STAB2: variants seen among roughly 807,000 people sequenced by gnomAD.
The protein encoded by STAB2 is stabilin 2, also known as stabilin-2.
A neutral mutation model predicts 338.1 loss-of-function variants in STAB2; 288 were observed. The observed-to-expected ratio is 0.85, with a 90% CI of 0.77 to 0.94. The LOEUF (loss-of-function observed/expected upper bound fraction) is 0.94, where lower values mean the gene tolerates loss of function less well. STAB2 is among the 40% of genes least tolerant of loss of function. STAB2 has a pLI of 0.00. For missense variants in STAB2, 3,141 were observed against 3,210.1 expected (o/e 0.98, Z 0.52); for synonymous variants, 1,202 against 1,193.3 (o/e 1.01, Z -0.15).
In STAB2 at chr12:103,631,617, G is replaced by A. The variant is rs200595336; in HGVS notation, c.507G>A (p.Gly169=). Reference sequence around the variant, plus strand: ...CTCCAGTGTGCAACTGTGTGCATGGGGTGTGCAACAGTGGACTAGATGGCG... The same window carrying A: ...CTCCAGTGTGCAACTGTGTGCATGGAGTGTGCAACAGTGGACTAGATGGCG... ...SCSSVCNCVH[G]VCNSGLDGDG... is the part of the protein sequence containing the mutation. The change falls in exon 6 of 69, where the codon GGG becomes GGA. Residue 169 remains glycine (G), a synonymous_variant. Transcript: ENST00000388887. 1.3e-4 allele frequency: 206 copies of A among 1,613,976 alleles called. No individual in the cohort carries two copies. The highest frequency in any genetic ancestry group is 1.6e-4 in the Non-Finnish European group (193 of 1,180,026).
chr12:103,765,511 A>G (rs1884876747), intron 68 of STAB2, among the ~76,000 whole-genome samples: 1 of 152,220 alleles, frequency 6.6e-6, no homozygotes, highest in South Asian at 2.1e-4. Context: ...TAATTGACAA[A>G]GCCTGGGTGC....
At chr12:103,704,480 T>G (rs1236899082) in intron 35 of STAB2, 78 bp from the exon 36 acceptor site, 7 of 1,459,720 alleles carry the variant, frequency 4.8e-6, no homozygotes, top group Admixed American at 1.9e-5. Context: ...TTCAAAAACC[T>G]TCATTTCCAA....
In STAB2 at chr12:103,677,502, A is replaced by G. The variant is rs1021761082; in HGVS notation, c.2696A>G (p.Gln899Arg). 16 of 1,613,962 alleles carry G rather than the reference A, an allele frequency of 9.9e-6. No homozygotes were observed. Among genetic ancestry groups the G allele is most frequent in the African/African-American group, 1.3e-5 (1 of 74,942 alleles). The change falls in exon 25 of 69, where the codon CAG (glutamine) becomes CGG (arginine). Residue 899 changes from glutamine (Q) to arginine (R), a missense_variant. By Grantham distance (43) the Gln-to-Arg change is conservative. Coordinates refer to ENST00000388887, the MANE Select transcript of STAB2 (RefSeq NM_017564.10). ...GTGTHTCVCQQGWTGNGRDCS... is the reference protein window; with the variant it reads ...GTGTHTCVCQRGWTGNGRDCS... ...GGCACCCACACCTGCGTGTGTCAGCAGGGTTGGACAGGGAATGGGAGAGAC... is the reference window on the plus strand; with the variant it reads ...GGCACCCACACCTGCGTGTGTCAGCGGGGTTGGACAGGGAATGGGAGAGAC...
At chr12:103,696,550 C>T (rs561731421) in intron 33 of STAB2, among the ~76,000 whole-genome samples, 38 of 152,240 alleles carry the variant, frequency 2.5e-4, no homozygotes, top group African/African-American at 8.9e-4. Flanking sequence ...GAAACAGGAT[C>T]CACAAAAGAG....
At chr12:103,673,810 G>A (rs1471918829) in intron 22 of STAB2, 97 bp from the exon 23 acceptor site, 1 of 1,283,434 alleles carries the variant, frequency 7.8e-7, no homozygotes, top group Non-Finnish European at 1.1e-6. Flanking sequence ...GTGAGTGGGG[G>A]GTGAGAAGAG....
intron 10 of STAB2, among the ~76,000 whole-genome samples, chr12:103,649,222 A>G (rs1002552790): frequency 2.0e-5 from 3 of 152,094 alleles, no homozygotes; most frequent in Middle Eastern, 3.2e-3. Context: ...GGTGACTGAG[A>G]CCCCAGGGCA....
chr12:103,732,858 A>T, intron 50 of STAB2, 148 bp from the exon 51 acceptor site: 1 of 835,044 alleles, frequency 1.2e-6, no homozygotes, highest in Non-Finnish European at 1.8e-6. Flanking sequence ...ATGGGCTTCT[A>T]GTTTCTCTAG....
At chr12:103,669,920 G>A (rs1370279590) in intron 21 of STAB2, among the ~76,000 whole-genome samples, 1 of 152,126 alleles carries the variant, frequency 6.6e-6, no homozygotes, top group Non-Finnish European at 1.5e-5. Flanking sequence ...GAGATATCAG[G>A]GTTGACCTGC....
chr12:103,684,230 T>A (rs533902958), intron 26 of STAB2, among the ~76,000 whole-genome samples: 6 of 152,294 alleles, frequency 3.9e-5, no homozygotes, highest in African/African-American at 1.2e-4. Flanking sequence ...TAGCACCCCA[T>A]GTCCCCGTTC....
chr12:103,740,587 C>A, intron 54 of STAB2, 43 bp from the exon 55 acceptor site: 1 of 1,597,918 alleles, frequency 6.3e-7, no homozygotes, highest in South Asian at 1.1e-5. Flanking sequence ...AGCCCTAGTC[C>A]CTGCAGTGGT....
rs965552523 is a variant in STAB2 at position 103,759,419 on chromosome 12, C to T, written c.7248+146C>T. On this transcript the variant is annotated intron_variant, in intron 65 of 68. Coordinates refer to ENST00000388887, the MANE Select transcript of STAB2 (RefSeq NM_017564.10). Reference sequence around the variant, plus strand: ...AGGGGACGGTGTTAACTGCCCACTACAGCATACCACACTGACAATTGGGCA... The same window carrying T: ...AGGGGACGGTGTTAACTGCCCACTATAGCATACCACACTGACAATTGGGCA... 1.6e-5 allele frequency: 19 copies of T among 1,209,450 alleles called. No homozygotes were observed. The African/African-American group carries it at 2.8e-4, about 18-fold the overall frequency. 74.9% of individuals were successfully genotyped at this position (1,209,450 alleles called of 1,614,324 possible).
At chr12:103,761,497 C>T (rs1055231941) in intron 66 of STAB2, 87 bp downstream of exon 66, 9 of 1,195,950 alleles carry the variant, frequency 7.5e-6, no homozygotes, top group Non-Finnish European at 9.8e-6. Context: ...AAGCCCTGTC[C>T]TCCTCCCTCT....
rs947151289 is a variant in STAB2 at position 103,683,276 on chromosome 12, A to G, written c.2877A>G (p.Glu959=). 1 of 1,611,978 alleles carries G rather than the reference A, an allele frequency of 6.2e-7. No homozygotes were observed. Among genetic ancestry groups the G allele is most frequent in the Admixed American group, 1.7e-5 (1 of 59,816 alleles). ...IDCEPITSCL[E]QTGKCHPLAS... ...GTGAACCAATAACTTCATGCTTGGA[A>G]CAAACCGGGAAATGTCATCCATTGG... Residue 959 remains glutamate, a synonymous_variant, in exon 26 of 69, where the codon GAA becomes GAG. Transcript: ENST00000388887.
chr12:103,593,166 T>G (rs1328376853), intron 2 of STAB2, among the ~76,000 whole-genome samples: 7 of 152,196 alleles, frequency 4.6e-5, no homozygotes, highest in Non-Finnish European at 7.3e-5. Flanking sequence ...AATTTCAATT[T>G]TTTTGGATAT....
chr12:103,743,633 CACATGTGGCTATCGAGCACCCAAA>C (rs1373382207), intron 56 of STAB2, among the ~76,000 whole-genome samples: 1 of 152,152 alleles, frequency 6.6e-6, no homozygotes, highest in Non-Finnish European at 1.5e-5. Context: ...AGCCACTAGG[CACATGTGGCTATCGAGCACCCAAA>C]ACGTGTGGCT....
chr12:103,664,191 T>C (rs1193891942), intron 18 of STAB2, among the ~76,000 whole-genome samples: 1 of 152,178 alleles, frequency 6.6e-6, no homozygotes, highest in Non-Finnish European at 1.5e-5. Flanking sequence ...TTGCCCAGGC[T>C]GGAGTGCAGT....
At chr12:103,618,559 C>T (rs1957247092) in intron 3 of STAB2, among the ~76,000 whole-genome samples, 1 of 152,088 alleles carries the variant, frequency 6.6e-6, no homozygotes, top group Non-Finnish European at 1.5e-5. Flanking sequence ...TGAGCTGTGG[C>T]ACAGGAAAGC....
rs542326052 is a variant in STAB2, at chr12:103,611,545, A to G, written c.332-8923A>G. On this transcript the variant is annotated intron_variant, in intron 3 of 68. Coordinates refer to ENST00000388887, the MANE Select transcript of STAB2 (RefSeq NM_017564.10). ...TTTTTGTTTTCCATTTGCTTGGTAG[A>G]TCTTCCTCCATCCCTTTATTTTGAG... Among the ~76,000 whole-genome samples the G allele has an allele frequency of 3.1e-3, 479 of 152,128 alleles. 4 individuals carry two copies. Among genetic ancestry groups the G allele is most frequent in the Non-Finnish European group, 5.7e-3 (390 of 67,998 alleles).
In STAB2 at chr12:103,677,032, C is replaced by T. The variant is rs1302660386; in HGVS notation, c.2647-421C>T. Among the ~76,000 whole-genome samples the T allele has an allele frequency of 2.6e-5, 4 of 152,210 alleles. No homozygotes were observed. In the East Asian group the frequency reaches 7.7e-4, roughly 29 times the overall value. ...TGTCCTCCAGCCTCCTGGTGAGGCT[C>T]CTCCTGAGAGGCCCGGGAGCTAGTA... On this transcript the variant is annotated intron_variant, in intron 24 of 68. Coordinates refer to ENST00000388887, the MANE Select transcript of STAB2 (RefSeq NM_017564.10).
Sources: allele counts gnomAD v4.1 joint callset (sites outside exome capture counted in the v4.1 genomes callset), GRCh38; gene constraint gnomAD v4.1.1; transcripts MANE v1.5; gene names NCBI Gene and HGNC (gene_info 2026-07-23, HGNC 2026-07-21).